ENO4: variants seen among roughly 807,000 people sequenced by gnomAD.
The protein encoded by ENO4 is 2-phospho-D-glycerate hydro-lyase.
A neutral mutation model predicts 63.2 loss-of-function variants in ENO4; 53 were observed. That is an observed-to-expected ratio of 0.84 (90% confidence interval 0.67 to 1.05). The LOEUF is 1.05. ENO4 is among the 50% of genes least tolerant of loss of function. The pLI is 0.00. For missense variants in ENO4, 719 were observed against 772.0 expected (o/e 0.93, Z 0.81); for synonymous variants, 266 against 283.8 (o/e 0.94, Z 0.63).
intron 10 of ENO4, among the ~76,000 whole-genome samples, chr10:116,875,561 T>TCACACACACA (rs56000218): frequency 0.011 from 1,633 of 147,476 alleles, 13 homozygotes; most frequent in South Asian, 0.021. Context: ...TCCAGGCTGG[T>TCACACACACA]CACACACACA....
downstream of ENO4, chr10:116,886,181 C>T: frequency 1.0e-6 from 1 of 997,676 alleles, no homozygotes; most frequent in Non-Finnish European, 1.4e-6. Context: ...AAACAGCTTA[C>T]TTATGTTTAT....
chr10:116,863,436 T>TTAATGATA (rs1482795767), intron 7 of ENO4, among the ~76,000 whole-genome samples: 2 of 151,924 alleles, frequency 1.3e-5, no homozygotes, highest in African/African-American at 4.8e-5. Context: ...TCCCCCAATG[T>TTAATGATA]TAATGATATA....
intron 7 of ENO4, among the ~76,000 whole-genome samples, chr10:116,865,523 G>A (rs1360717590): frequency 6.6e-6 from 1 of 152,116 alleles, no homozygotes; most frequent in Non-Finnish European, 1.5e-5. Context: ...CCTGTATCAT[G>A]TTGCCTGCCT....
chr10:116,901,738 C>T (rs753112933), intron 10 of ENO4: 74 of 1,546,386 alleles, frequency 4.8e-5, no homozygotes, highest in Non-Finnish European at 6.1e-5. Flanking sequence ...TTCTATACAC[C>T]ACTTAGTAAA....
intron 11 of ENO4, among the ~76,000 whole-genome samples, chr10:116,878,920 T>G (rs1021283399): frequency 2.0e-5 from 3 of 151,962 alleles, no homozygotes; most frequent in Non-Finnish European, 4.4e-5. Context: ...ATTTTTTGTA[T>G]TTTTAGTAGA....
intron 7 of ENO4, 179 bp from the exon 8 acceptor site, chr10:116,868,471 A>G: frequency 1.4e-6 from 1 of 707,698 alleles, no homozygotes; most frequent in Non-Finnish European, 2.6e-6. Context: ...TTTGTGGCAT[A>G]TAAAGTAGGG....
chr10:116,855,617 T>G lies in ENO4; in HGVS notation c.166-6T>G. On this transcript the variant is annotated splice_region_variant and splice_polypyrimidine_tract_variant and intron_variant, in intron 1 of 13. Transcript: ENST00000341276. ...GATGATTTTTGTTCTTTTGTGTGTGTTGAAGGCAAACTGCTTTTCTAAACT... is the reference window on the plus strand; with the variant it reads ...GATGATTTTTGTTCTTTTGTGTGTGGTGAAGGCAAACTGCTTTTCTAAACT... 6.5e-7 allele frequency: 1 copy of G among 1,536,142 alleles called. No individual in the cohort carries two copies. The highest frequency in any genetic ancestry group is 8.7e-7 in the Non-Finnish European group (1 of 1,146,868).
intron 9 of ENO4, among the ~76,000 whole-genome samples, chr10:116,871,560 T>A (rs1846696077): frequency 6.6e-6 from 1 of 152,218 alleles, no homozygotes; most frequent in Non-Finnish European, 1.5e-5. Context: ...TTACTTACAT[T>A]GCAATCCTGA....
chr10:116,858,010 CCT>C (rs970578816), intron 3 of ENO4, among the ~76,000 whole-genome samples: 2 of 151,530 alleles, frequency 1.3e-5, no homozygotes, highest in African/African-American at 4.8e-5. Context: ...TTTTTTTCCC[CCT>C]TCATGTGCTG....
rs73396189 is a variant in ENO4, at chr10:116,875,185, A to G, written c.1342-880A>G. ...TCTTTGAGATAATACAACTATTTCA[A>G]TTTGGAGGACGATATAAATGCTGGT... On this transcript the variant is annotated intron_variant, in intron 10 of 13. Transcript: ENST00000341276. Among the ~76,000 whole-genome samples, 331 of 152,314 alleles carry G rather than the reference A, an allele frequency of 2.2e-3. 1 individual carries two copies. Among genetic ancestry groups the G allele is most frequent in the African/African-American group, 7.4e-3 (308 of 41,564 alleles).
chr10:116,876,215 C>A lies in ENO4; in HGVS notation c.1492C>A (p.Gln498Lys), dbSNP rs1203680869. Reference sequence around the variant, plus strand: ...TGGGCTGATCATAAAACACACAAACCAAACTACAATGTCTGACTTGGTGGA... The same window carrying A: ...TGGGCTGATCATAAAACACACAAACAAAACTACAATGTCTGACTTGGTGGA... ...SNGLIIKHTN[Q>K]TTMSDLVEIT... Residue 498 changes from glutamine (Q) to lysine (K), a missense_variant, in exon 11 of 14, where the codon CAA (glutamine) becomes AAA (lysine). Transcript: ENST00000341276. The A allele has an allele frequency of 1.9e-6, 3 of 1,549,472 alleles. No homozygotes were observed. The highest frequency in any genetic ancestry group is 1.4e-5 in the African/African-American group (1 of 72,992).
chr10:116,895,187 A>G (rs528857852), intron 10 of ENO4, among the ~76,000 whole-genome samples: 2 of 152,360 alleles, frequency 1.3e-5, no homozygotes, highest in East Asian at 3.9e-4. Flanking sequence ...TAGTAAAAGC[A>G]TCTTTCTAAT....
chr10:116,901,664 G>C (rs1485386614), intron 10 of ENO4: 1 of 1,358,700 alleles, frequency 7.4e-7, no homozygotes. Context: ...TTACCGGCGA[G>C]CCAATCAAAA....
chr10:116,871,408 A>T, intron 9 of ENO4, 116 bp downstream of exon 9: 1 of 971,286 alleles, frequency 1.0e-6, no homozygotes, highest in South Asian at 2.3e-5. Flanking sequence ...TTGTTTTTTT[A>T]TTAATATTGT....
intron 6 of ENO4, among the ~76,000 whole-genome samples, chr10:116,861,882 A>G (rs1846423524): frequency 6.6e-6 from 1 of 152,194 alleles, no homozygotes; most frequent in African/African-American, 2.4e-5. Flanking sequence ...CTTTCTTAAA[A>G]TAGTTATTGC....
intron 7 of ENO4, among the ~76,000 whole-genome samples, chr10:116,866,402 A>T (rs1846547766): frequency 6.6e-6 from 1 of 152,228 alleles, no homozygotes; most frequent in African/African-American, 2.4e-5. Flanking sequence ...TATGTAGTGT[A>T]GCAGAAAGAG....
intron 10 of ENO4, among the ~76,000 whole-genome samples, chr10:116,890,685 C>A (rs1199411348): frequency 6.6e-6 from 1 of 152,196 alleles, no homozygotes; most frequent in Non-Finnish European, 1.5e-5. Context: ...CTTGGGTGAC[C>A]TTTTAGAAAG....
At chr10:116,886,056 C>G (rs984769890), downstream of ENO4, 3 of 394,900 alleles carry the variant, frequency 7.6e-6, no homozygotes, top group South Asian at 1.4e-4. Flanking sequence ...GTATCAACAT[C>G]TGAATTTTTT....
At chr10:116,872,197 C>T (rs12768743) in intron 9 of ENO4, among the ~76,000 whole-genome samples, 2 of 152,050 alleles carry the variant, frequency 1.3e-5, no homozygotes. Flanking sequence ...AACTCCATCT[C>T]AAAACAAAAA....
Sources: allele counts gnomAD v4.1 joint callset (sites outside exome capture counted in the v4.1 genomes callset), GRCh38; gene constraint gnomAD v4.1.1; transcripts MANE v1.5; gene names NCBI Gene and HGNC (gene_info 2026-07-23, HGNC 2026-07-21).